The following SLC17A5 variants were observed in gnomAD, a reference collection of about 807,000 sequenced individuals.
SLC17A5 encodes the protein sialin.
Under a neutral mutation model 59.4 loss-of-function variants are expected in SLC17A5, and 47 were observed. The ratio of observed to expected loss-of-function variants is 0.79; its 90% CI spans 0.63 to 1.01. The LOEUF (loss-of-function observed/expected upper bound fraction) is 1.01, where lower values mean the gene tolerates loss of function less well. SLC17A5 is among the 50% of genes least tolerant of loss of function. The pLI, the probability that SLC17A5 is intolerant of heterozygous loss-of-function variation, is 0.00. For synonymous variants in SLC17A5, 202 were observed against 210.7 expected (o/e 0.96, Z 0.36); for missense variants, 522 against 595.5 (o/e 0.88, Z 1.28).
intron 6 of SLC17A5, among the ~76,000 whole-genome samples, chr6:73,622,298 C>CTTTTTTT: frequency 8.6e-6 from 1 of 116,734 alleles, no homozygotes; most frequent in Non-Finnish European, 1.8e-5. Context: ...TTCTTTCTTT[C>CTTTTTTT]TTTTTTTTTT....
At chr6:73,650,509 A>G (rs1433170664) in intron 1 of SLC17A5, among the ~76,000 whole-genome samples, 2 of 123,366 alleles carry the variant, frequency 1.6e-5, no homozygotes, top group Non-Finnish European at 3.1e-5. Context: ...CTCCGTCTCA[A>G]AAAAAAAAAA....
chr6:73,643,452 G>A (rs1243056516), intron 2 of SLC17A5, among the ~76,000 whole-genome samples: 13 of 149,074 alleles, frequency 8.7e-5, no homozygotes, highest in Non-Finnish European at 1.5e-4. Flanking sequence ...GAGCCACCGC[G>A]CCCGGCCAAA....
chr6:73,631,464 T>C (rs1037256580), intron 6 of SLC17A5, among the ~76,000 whole-genome samples: 1 of 144,624 alleles, frequency 6.9e-6, no homozygotes, highest in Non-Finnish European at 1.5e-5. Flanking sequence ...CAGAGCAAAA[T>C]ATTGATTCTT....
At chr6:73,603,778 T>A (rs1368068977) in intron 9 of SLC17A5, among the ~76,000 whole-genome samples, 2 of 152,136 alleles carry the variant, frequency 1.3e-5, no homozygotes, top group Non-Finnish European at 2.9e-5. Context: ...AATTCTGGAC[T>A]TTGAAGATTG....
At chr6:73,641,645 A>C in intron 3 of SLC17A5, 46 bp downstream of exon 3, 2 of 1,341,222 alleles carry the variant, frequency 1.5e-6, no homozygotes, top group Non-Finnish European at 2.1e-6. Flanking sequence ...GAAGAAGAGA[A>C]GGAGACACAC....
At position 73,615,279 on chromosome 6, in the gene SLC17A5, CTG is replaced by C. The variant is rs758557288; in HGVS notation, c.1111+34_1111+35del. The stretch of plus-strand genomic sequence containing the variant: ...CTATAACTGTAAACATGGTAAATAA[CTG>C]TAAACCAAAACAAAACCTGATTGCT... On this transcript the variant is annotated intron_variant, in intron 8 of 10. Coordinates refer to ENST00000355773, the MANE Select transcript of SLC17A5 (RefSeq NM_012434.5). 575 of 1,611,858 alleles carry C rather than the reference CTG, an allele frequency of 3.6e-4. 1 individual carries two copies. The highest frequency in any genetic ancestry group is 2.3e-3 in the Middle Eastern group (14 of 6,050).
chr6:73,602,041 T>G (rs1767145638), intron 9 of SLC17A5, among the ~76,000 whole-genome samples: 1 of 152,028 alleles, frequency 6.6e-6, no homozygotes, highest in Non-Finnish European at 1.5e-5. Flanking sequence ...ATGGTTGCCG[T>G]GTCTGTGTAG....
chr6:73,641,576 C>A, intron 3 of SLC17A5, 115 bp downstream of exon 3: 1 of 780,092 alleles, frequency 1.3e-6, no homozygotes, highest in Non-Finnish European at 2.1e-6. Context: ...AAATAAACCC[C>A]TGTTATCATC....
intron 1 of SLC17A5, among the ~76,000 whole-genome samples, chr6:73,647,418 C>T (rs145154534): frequency 1.4e-3 from 208 of 152,336 alleles, no homozygotes; most frequent in African/African-American, 4.9e-3. Flanking sequence ...GCAGAATTAA[C>T]AGGCCTTGCC....
intron 7 of SLC17A5, chr6:73,618,220 C>G (rs1767961373): frequency 6.7e-6 from 1 of 150,172 alleles, no homozygotes. Flanking sequence ...CAGAGCAAGA[C>G]TCAGTCTTAA....
intron 4 of SLC17A5, among the ~76,000 whole-genome samples, chr6:73,637,539 A>G (rs972855073): frequency 4.6e-5 from 7 of 152,222 alleles, no homozygotes; most frequent in Non-Finnish European, 8.8e-5. Context: ...AGCCTGTAAG[A>G]CCTGATATAA....
At chr6:73,638,785 C>T (rs1039716361) in intron 3 of SLC17A5, among the ~76,000 whole-genome samples, 5 of 150,834 alleles carry the variant, frequency 3.3e-5, no homozygotes, top group East Asian at 3.9e-4. Flanking sequence ...GCCTGGGTAA[C>T]GTAGTGAGAC....
At chr6:73,602,173 T>G (rs1322345041) in intron 9 of SLC17A5, among the ~76,000 whole-genome samples, 1 of 151,108 alleles carries the variant, frequency 6.6e-6, no homozygotes, top group Non-Finnish European at 1.5e-5. Context: ...ATGTGCTGTG[T>G]CCACTCAGGG....
chr6:73,642,065 T>C (rs1273230952), intron 2 of SLC17A5, 141 bp from the exon 3 acceptor site: 4 of 728,274 alleles, frequency 5.5e-6, no homozygotes, highest in South Asian at 1.5e-5. Flanking sequence ...TTCTAGTAGG[T>C]GGGTGAGTCA....
chr6:73,648,347 G>C (rs1366526184), intron 1 of SLC17A5, among the ~76,000 whole-genome samples: 1 of 152,216 alleles, frequency 6.6e-6, no homozygotes, highest in Non-Finnish European at 1.5e-5. Context: ...AATCATGCTT[G>C]CATAAGGAAC....
intron 6 of SLC17A5, among the ~76,000 whole-genome samples, chr6:73,631,831 C>G (rs1377704322): frequency 1.3e-5 from 2 of 151,494 alleles, no homozygotes; most frequent in African/African-American, 4.9e-5. Context: ...TTTTTTTCCT[C>G]TTATTCATTT....
intron 1 of SLC17A5, among the ~76,000 whole-genome samples, chr6:73,647,245 G>T (rs1434362166): frequency 6.6e-6 from 1 of 152,228 alleles, no homozygotes; most frequent in Non-Finnish European, 1.5e-5. Context: ...TCTGGACCCT[G>T]CATGGAGACT....
intron 6 of SLC17A5, among the ~76,000 whole-genome samples, chr6:73,630,718 G>A (rs148577235): frequency 1.3e-5 from 2 of 152,038 alleles, no homozygotes; most frequent in Non-Finnish European, 2.9e-5. Context: ...CTCTCTAGAA[G>A]ATATCACTCT....
chr6:73,602,801 C>T (rs1008827160), intron 9 of SLC17A5, among the ~76,000 whole-genome samples: 2 of 150,426 alleles, frequency 1.3e-5, no homozygotes, highest in Non-Finnish European at 3.0e-5. Context: ...AAATTACATA[C>T]AGGAACACAG....
Sources: allele counts gnomAD v4.1 joint callset (sites outside exome capture counted in the v4.1 genomes callset), GRCh38; gene constraint gnomAD v4.1.1; transcripts MANE v1.5; gene names NCBI Gene and HGNC (gene_info 2026-07-23, HGNC 2026-07-21).